Variants in CHMP4C observed in about 807,000 individuals in gnomAD.
CHMP4C encodes the protein SNF7 homolog associated with Alix 3.
In CHMP4C, 28 loss-of-function variants were observed where a neutral mutation model predicts 29.0. The observed-to-expected ratio is 0.97, with a 90% CI of 0.72 to 1.32. The LOEUF is 1.32. Among genes scored for constraint, CHMP4C ranks in the 40% most tolerant of loss-of-function variants. CHMP4C has a pLI of 0.00. For synonymous variants in CHMP4C, 106 were observed against 102.4 expected (o/e 1.04, Z -0.21); for missense variants, 291 against 281.0 (o/e 1.04, Z -0.25).
At chr8:81,740,693 T>C (rs144691652) in intron 1 of CHMP4C, among the ~76,000 whole-genome samples, 36 of 152,376 alleles carry the variant, frequency 2.4e-4, no homozygotes, top group African/African-American at 8.7e-4. Context: ...ATATTCCTTC[T>C]GAATAATATT....
In CHMP4C at chr8:81,734,991, T is replaced by A. The variant is rs1461423408; in HGVS notation, c.190+2175T>A. Among the ~76,000 whole-genome samples, 14 of 152,174 alleles carry A rather than the reference T, an allele frequency of 9.2e-5. No homozygotes were observed. In the East Asian group the frequency reaches 2.3e-3, roughly 25 times the overall value. The stretch of plus-strand genomic sequence containing the variant: ...TCACTGCAGCTTCCAACTCCTGGGT[T>A]CAAGTGATTCTCCTGCCTCAGCTTC... On this transcript the variant is annotated intron_variant, in intron 1 of 4. Transcript: ENST00000297265.
At chr8:81,743,185 T>C (rs1234018987) in intron 1 of CHMP4C, among the ~76,000 whole-genome samples, 1 of 151,848 alleles carries the variant, frequency 6.6e-6, no homozygotes, top group Non-Finnish European at 1.5e-5. Flanking sequence ...CTATGATATA[T>C]TGCTGCATAA....
chr8:81,736,258 T>C (rs1808690033), intron 1 of CHMP4C, among the ~76,000 whole-genome samples: 1 of 151,420 alleles, frequency 6.6e-6, no homozygotes, highest in African/African-American at 2.4e-5. Flanking sequence ...GAGACCCAAG[T>C]GATCCTTCCA....
At chr8:81,739,940 T>A (rs922887628) in intron 1 of CHMP4C, among the ~76,000 whole-genome samples, 21 of 152,246 alleles carry the variant, frequency 1.4e-4, no homozygotes, top group African/African-American at 4.6e-4. Context: ...TATGTTCAGC[T>A]GCATTTAGTA....
intron 1 of CHMP4C, among the ~76,000 whole-genome samples, chr8:81,739,418 T>TGCGGG (rs1554592449): frequency 1.1e-5 from 1 of 93,564 alleles, no homozygotes; most frequent in Non-Finnish European, 2.0e-5. Context: ...TGGGGGATTG[T>TGCGGG]GGGGGGGGGT....
At chr8:81,738,122 T>TC (rs926287438) in intron 1 of CHMP4C, among the ~76,000 whole-genome samples, 1 of 152,112 alleles carries the variant, frequency 6.6e-6, no homozygotes, top group Non-Finnish European at 1.5e-5. Flanking sequence ...TGCCTCTTTT[T>TC]CCCCCTCATC....
intron 1 of CHMP4C, among the ~76,000 whole-genome samples, chr8:81,734,879 A>T (rs1808667188): frequency 1.3e-5 from 2 of 151,868 alleles, no homozygotes; most frequent in African/African-American, 4.8e-5. Flanking sequence ...TTATAGATGC[A>T]AGTATGAATG....
intron 1 of CHMP4C, among the ~76,000 whole-genome samples, chr8:81,734,334 G>A (rs1362284651): frequency 1.3e-5 from 2 of 152,114 alleles, no homozygotes; most frequent in Admixed American, 1.3e-4. Context: ...ATTGGTGGTG[G>A]TTGTTGTTGT....
At chr8:81,750,959 G>A (rs967383162) in intron 1 of CHMP4C, among the ~76,000 whole-genome samples, 1 of 152,024 alleles carries the variant, frequency 6.6e-6, no homozygotes, top group African/African-American at 2.4e-5. Flanking sequence ...AACATTTTTG[G>A]AGAGGAAACA....
At chr8:81,749,847 A>C (rs1018722190) in intron 1 of CHMP4C, among the ~76,000 whole-genome samples, 5 of 152,182 alleles carry the variant, frequency 3.3e-5, no homozygotes, top group African/African-American at 9.7e-5. Flanking sequence ...TCAGATGGAG[A>C]TGAGGAACTT....
chr8:81,752,752 T>A (rs1171850024), intron 1 of CHMP4C, among the ~76,000 whole-genome samples: 2 of 152,186 alleles, frequency 1.3e-5, no homozygotes, highest in African/African-American at 2.4e-5. Flanking sequence ...CATATTTTTA[T>A]CTATCCTTTT....
chr8:81,733,019 C>A, intron 1 of CHMP4C: 1 of 413,598 alleles, frequency 2.4e-6, no homozygotes, highest in Non-Finnish European at 4.3e-6. Flanking sequence ...AAGGGGCCGC[C>A]AAAAATCTCA....
At chr8:81,748,713 G>A (rs1021769469) in intron 1 of CHMP4C, among the ~76,000 whole-genome samples, 4 of 152,000 alleles carry the variant, frequency 2.6e-5, no homozygotes, top group African/African-American at 4.8e-5. Flanking sequence ...GCGATCACGA[G>A]GTCAGGAGAT....
intron 3 of CHMP4C, among the ~76,000 whole-genome samples, chr8:81,757,258 T>C (rs1456700424): frequency 6.6e-6 from 1 of 152,202 alleles, no homozygotes; most frequent in African/African-American, 2.4e-5. Context: ...ATTTGTTGAA[T>C]AATGAATGAA....
At chr8:81,748,999 T>C (rs891773736) in intron 1 of CHMP4C, among the ~76,000 whole-genome samples, 1 of 152,006 alleles carries the variant, frequency 6.6e-6, no homozygotes, top group Non-Finnish European at 1.5e-5. Flanking sequence ...ATTTAGTTGC[T>C]ACATCCCTAT....
chr8:81,740,545 A>T (rs1341037937), intron 1 of CHMP4C, among the ~76,000 whole-genome samples: 1 of 152,114 alleles, frequency 6.6e-6, no homozygotes, highest in Non-Finnish European at 1.5e-5. Flanking sequence ...CCCCGGAGCT[A>T]AGGCATAATC....
At chr8:81,743,050 C>T (rs983923856) in intron 1 of CHMP4C, among the ~76,000 whole-genome samples, 8 of 151,740 alleles carry the variant, frequency 5.3e-5, no homozygotes, top group East Asian at 1.9e-4. Context: ...GATTTTTTGA[C>T]GTTAGGGGCT....
chr8:81,745,332 A>G (rs897479261), intron 1 of CHMP4C, among the ~76,000 whole-genome samples: 18 of 152,212 alleles, frequency 1.2e-4, no homozygotes, highest in African/African-American at 4.1e-4. Flanking sequence ...AAAAGCTATT[A>G]TAATGCAGTT....
At chr8:81,754,529 G>A (rs762372038) in intron 2 of CHMP4C, among the ~76,000 whole-genome samples, 32 of 152,032 alleles carry the variant, frequency 2.1e-4, no homozygotes, top group Admixed American at 4.6e-4. Context: ...TACTTCCACT[G>A]GGAATCAAAC....
Sources: allele counts gnomAD v4.1 joint callset (sites outside exome capture counted in the v4.1 genomes callset), GRCh38; gene constraint gnomAD v4.1.1; transcripts MANE v1.5; gene names NCBI Gene and HGNC (gene_info 2026-07-23, HGNC 2026-07-21).